The following ROR1 variants were observed in gnomAD, a reference collection of about 807,000 sequenced individuals.
ROR1 encodes ROR family WNT receptor 1.
In ROR1, 19 loss-of-function variants were observed where a neutral mutation model predicts 78.8. The ratio of observed to expected loss-of-function variants is 0.24; its 90% confidence interval spans 0.17 to 0.35. The LOEUF (loss-of-function observed/expected upper bound fraction) is 0.35. Among genes scored for constraint, ROR1 ranks in the 10% least tolerant of loss-of-function variants. The probability of loss-of-function intolerance (pLI) is 1.00; values close to 1 mark genes in which losing one functional copy is unlikely to be tolerated. For missense variants in ROR1, 917 were observed against 1,177.8 expected, an observed-to-expected ratio of 0.78 and a Z score of 3.24; for synonymous variants, 386 against 433.6, an observed-to-expected ratio of 0.89 and a Z score of 1.36.
intron 1 of ROR1, among the ~76,000 whole-genome samples, chr1:63,872,614 C>T (rs1285659434): frequency 6.6e-6 from 1 of 152,130 alleles, no homozygotes; most frequent in Non-Finnish European, 1.5e-5. Flanking sequence ...CCAAGGCCAC[C>T]CAGCCTTTCT....
In ROR1 at chr1:63,788,348, AC is replaced by A. The variant is rs552644813; in HGVS notation, c.91+13841del. Among the ~76,000 whole-genome samples, 277 of 152,332 alleles carry A rather than the reference AC, an allele frequency of 1.8e-3. 1 individual carries two copies. Among genetic ancestry groups the A allele is most frequent in the African/African-American group, 6.1e-3 (254 of 41,584 alleles). On this transcript the variant is annotated intron_variant, in intron 1 of 8. Coordinates refer to ENST00000371079, the MANE Select transcript of ROR1 (RefSeq NM_005012.4). ...AGAGATAACTTCTGATTGTGTTTAT[AC>A]ACGTGGATTTATAAAAGGAGGTTAT...
intron 4 of ROR1, 56 bp from the exon 5 acceptor site, chr1:64,137,313 C>A: frequency 1.9e-6 from 3 of 1,600,308 alleles, no homozygotes; most frequent in Admixed American, 3.4e-5. Flanking sequence ...TCAGAGCTTG[C>A]TGTGCCCTGT....
intron 2 of ROR1, among the ~76,000 whole-genome samples, chr1:64,017,394 T>C (rs2100552657): frequency 6.6e-6 from 1 of 152,274 alleles, no homozygotes; most frequent in Middle Eastern, 3.4e-3. Context: ...AAGACCGGTA[T>C]TAATCCTTTT....
At chr1:63,827,105 G>C (rs1307765698) in intron 1 of ROR1, among the ~76,000 whole-genome samples, 4 of 152,046 alleles carry the variant, frequency 2.6e-5, no homozygotes, top group Non-Finnish European at 5.9e-5. Context: ...AGAAGTGTCT[G>C]TTCATGGCCT....
chr1:64,043,692 G>T (rs1205664816), intron 2 of ROR1, among the ~76,000 whole-genome samples: 1 of 152,174 alleles, frequency 6.6e-6, no homozygotes, highest in Non-Finnish European at 1.5e-5. Context: ...AGGTTGGATT[G>T]ATTGGGAATC....
chr1:63,993,387 G>A (rs1646311927), intron 1 of ROR1, among the ~76,000 whole-genome samples: 1 of 152,160 alleles, frequency 6.6e-6, no homozygotes, highest in Non-Finnish European at 1.5e-5. Context: ...GCAAAAAGAT[G>A]TACAGTAAAA....
At chr1:64,079,566 G>A (rs1037438284) in intron 4 of ROR1, among the ~76,000 whole-genome samples, 1 of 151,228 alleles carries the variant, frequency 6.6e-6, no homozygotes, top group Non-Finnish European at 1.5e-5. Context: ...CCACCTCCCA[G>A]GTTCAAGCAA....
chr1:64,050,038 A>G, intron 3 of ROR1, 60 bp downstream of exon 3: 1 of 1,568,096 alleles, frequency 6.4e-7, no homozygotes. Flanking sequence ...TAGGATGGCT[A>G]GAGTCCACAG....
chr1:63,957,481 A>T (rs1335837055), intron 1 of ROR1, among the ~76,000 whole-genome samples: 1 of 152,186 alleles, frequency 6.6e-6, no homozygotes, highest in East Asian at 1.9e-4. Context: ...TTGCCCCAAC[A>T]ACAGAGGATG....
intron 2 of ROR1, among the ~76,000 whole-genome samples, chr1:64,021,045 C>T (rs1396796854): frequency 2.0e-5 from 3 of 149,256 alleles, no homozygotes; most frequent in Non-Finnish European, 4.5e-5. Context: ...AAAAAAAATG[C>T]CCCAAGCCTT....
chr1:63,794,274 G>A (rs1346892949), intron 1 of ROR1, among the ~76,000 whole-genome samples: 1 of 152,216 alleles, frequency 6.6e-6, no homozygotes, highest in Non-Finnish European at 1.5e-5. Context: ...ACCTTTTGGT[G>A]AGGGCAAAAA....
rs1553151714 is a variant in ROR1 at position 64,016,733 on chromosome 1, T to TTTTATATATATATATATATATATA, written c.163+7358_163+7359insTTATATATATATATATATATATAT. On this transcript the variant is annotated intron_variant, in intron 2 of 8. Coordinates refer to ENST00000371079, the MANE Select transcript of ROR1 (RefSeq NM_005012.4). ...ATGTACCCTAGAACTTAAAATATAA[T>TTTTATATATATATATATATATATA]TATATATATATATATAAAGATTTTA... Among the ~76,000 whole-genome samples, 418 of 140,566 alleles carry TTTTATATATATATATATATATATA rather than the reference T, an allele frequency of 3.0e-3. 2 individuals are homozygous for TTTTATATATATATATATATATATA. The highest frequency in any genetic ancestry group is 0.01 in the African/African-American group (400 of 38,642). The allele number at this position is 140,566 out of a possible 152,430, so 92.2% of individuals were successfully genotyped here. A position where few individuals can be genotyped will look rare whatever the true frequency, so the allele number is the denominator to read the frequency against.
chr1:64,172,818 C>T (rs1351131371), intron 8 of ROR1, among the ~76,000 whole-genome samples: 1 of 152,168 alleles, frequency 6.6e-6, no homozygotes, highest in Non-Finnish European at 1.5e-5. Flanking sequence ...AACAGACAAA[C>T]TCCACTTGAG....
chr1:64,037,832 A>G (rs1052599108), intron 2 of ROR1, among the ~76,000 whole-genome samples: 1 of 152,148 alleles, frequency 6.6e-6, no homozygotes, highest in African/African-American at 2.4e-5. Flanking sequence ...TATGCATGGT[A>G]CATGTCACCA....
intron 4 of ROR1, among the ~76,000 whole-genome samples, chr1:64,069,811 T>G (rs1331651684): frequency 2.6e-5 from 4 of 152,176 alleles, no homozygotes; most frequent in Admixed American, 6.5e-5. Flanking sequence ...GAAATCTCCC[T>G]TTATTTTTAT....
At chr1:64,020,871 G>T (rs1260921627) in intron 2 of ROR1, among the ~76,000 whole-genome samples, 1 of 152,170 alleles carries the variant, frequency 6.6e-6, no homozygotes, top group Admixed American at 6.5e-5. Context: ...CTTCGAAAAT[G>T]TTGTGTTCCT....
intron 2 of ROR1, among the ~76,000 whole-genome samples, chr1:64,045,007 T>C (rs979419063): frequency 2.0e-5 from 3 of 152,188 alleles, no homozygotes; most frequent in African/African-American, 7.2e-5. Context: ...TGCATGATGT[T>C]ACAAAATCGT....
chr1:63,834,236 A>G (rs1645006620), intron 1 of ROR1, among the ~76,000 whole-genome samples: 1 of 151,944 alleles, frequency 6.6e-6, no homozygotes, highest in African/African-American at 2.4e-5. Context: ...TGCTTCAGAT[A>G]TTTAAAGTGG....
At chr1:64,012,713 A>T (rs1205743465) in intron 2 of ROR1, among the ~76,000 whole-genome samples, 1 of 152,238 alleles carries the variant, frequency 6.6e-6, no homozygotes, top group Admixed American at 6.5e-5. Flanking sequence ...TAGAAACTAA[A>T]CACAGTGGAC....
Sources: gnomAD v4.1 joint callset for allele counts (sites outside exome capture counted in the v4.1 genomes callset) on GRCh38, gnomAD v4.1.1 for gene constraint, MANE v1.5 for transcripts, NCBI Gene and HGNC (gene_info 2026-07-23, HGNC 2026-07-21) for gene names.